The following ASPH variants were observed in gnomAD, a reference collection of about 807,000 sequenced individuals.
The protein encoded by ASPH is aspartyl/asparaginyl beta-hydroxylase.
In ASPH, 100 loss-of-function variants were observed where a neutral mutation model predicts 118.4. The ratio of observed to expected loss-of-function variants is 0.84; its 90% CI spans 0.72 to 1.00. The LOEUF (loss-of-function observed/expected upper bound fraction) is 1.00, where lower values mean the gene tolerates loss of function less well. Ranked by LOEUF, ASPH falls within the 50% of genes least tolerant of loss-of-function variation. The probability of loss-of-function intolerance (pLI) is 0.00; values close to 1 mark genes in which losing one functional copy is unlikely to be tolerated. For synonymous variants in ASPH, 315 were observed against 325.6 expected, an observed-to-expected ratio of 0.97 and a Z score of 0.35; for missense variants, 920 against 919.5, an observed-to-expected ratio of 1.00 and a Z score of -0.01.
At chr8:61,673,397 C>T (rs559658466) in intron 3 of ASPH, among the ~76,000 whole-genome samples, 2 of 152,132 alleles carry the variant, frequency 1.3e-5, no homozygotes, top group Non-Finnish European at 2.9e-5. Flanking sequence ...GTCTTGTTTT[C>T]GTGCCAAACT....
intron 22 of ASPH, among the ~76,000 whole-genome samples, chr8:61,524,508 AAGAG>A (rs1814478561): frequency 6.6e-6 from 1 of 152,190 alleles, no homozygotes; most frequent in African/African-American, 2.4e-5. Context: ...ACATGTAAGA[AAGAG>A]AAAGAAAGAA....
intron 13 of ASPH, among the ~76,000 whole-genome samples, chr8:61,620,898 A>T (rs1425073086): frequency 6.6e-6 from 1 of 152,188 alleles, no homozygotes; most frequent in Non-Finnish European, 1.5e-5. Flanking sequence ...CACTCTTGGG[A>T]GGGAAATAAG....
intron 14 of ASPH, among the ~76,000 whole-genome samples, chr8:61,605,018 G>A (rs78855879): frequency 2.0e-5 from 3 of 152,254 alleles, no homozygotes; most frequent in African/African-American, 7.2e-5. Context: ...CAAGGTAGAA[G>A]GAAAGCATAA....
At chr8:61,589,243 A>T (rs1361578813) in intron 14 of ASPH, among the ~76,000 whole-genome samples, 3 of 152,194 alleles carry the variant, frequency 2.0e-5, no homozygotes, top group Non-Finnish European at 4.4e-5. Flanking sequence ...ACTGTATGTA[A>T]ATTCCTTCTT....
intron 1 of ASPH, among the ~76,000 whole-genome samples, chr8:61,704,012 G>A (rs1443632088): frequency 1.3e-5 from 2 of 151,504 alleles, no homozygotes; most frequent in South Asian, 2.1e-4. Flanking sequence ...CGGCTAAAAC[G>A]GTGAAACCCC....
intron 22 of ASPH, among the ~76,000 whole-genome samples, chr8:61,520,864 C>T (rs1444517316): frequency 1.3e-5 from 2 of 152,188 alleles, no homozygotes; most frequent in Admixed American, 6.5e-5. Context: ...ACCTGAATGA[C>T]AGGTGATGAA....
chr8:61,638,187 C>G (rs1588461212), intron 11 of ASPH, 135 bp downstream of exon 11: 12 of 1,234,776 alleles, frequency 9.7e-6, no homozygotes, highest in Admixed American at 2.6e-5. Context: ...AATTTTGATA[C>G]TCAATTATTT....
In ASPH at chr8:61,583,991, T is replaced by A; in HGVS notation, c.1015A>T (p.Lys339Ter). The change falls in exon 15 of 25, where the codon AAG (lysine) becomes TAG (stop). Residue 339 changes from lysine to a stop codon, truncating the protein, a stop_gained. Transcript: ENST00000379454. LOFTEE classifies it high-confidence loss of function. ...KKPKLLNKFD[K>*]TIKAELDAAE... ...GCATCAAGTTCAGCTTTAATAGTCT[T>A]ATCAAATTTATTTAAAAGTTTAGGC... 6.3e-7 allele frequency: 1 copy of A among 1,578,870 alleles called. No homozygotes were observed. Among genetic ancestry groups the A allele is most frequent in the Non-Finnish European group, 8.6e-7 (1 of 1,161,048 alleles).
At chr8:61,682,386 G>A in intron 2 of ASPH, 1 of 1,526,246 alleles carries the variant, frequency 6.6e-7, no homozygotes, top group Non-Finnish European at 9.0e-7. Flanking sequence ...GAAAAAGGAT[G>A]AGCCATTAGA....
At position 61,578,975 on chromosome 8, in the gene ASPH, C is replaced by G. The variant is rs1011297087; in HGVS notation, c.1063-2117G>C. ...TGGTGCTGTCCATGGACAACAGCCGCTCCCTGGACATGGACAGCATCATTG... is the reference window on the plus strand; with the variant it reads ...TGGTGCTGTCCATGGACAACAGCCGGTCCCTGGACATGGACAGCATCATTG... On this transcript the variant is annotated intron_variant, in intron 15 of 24. Coordinates refer to ENST00000379454, the MANE Select transcript of ASPH (RefSeq NM_004318.4). 1.7e-5 allele frequency: 28 copies of G among 1,610,892 alleles called. No homozygotes were observed. The East Asian group carries it at 4.9e-4, about 28-fold the overall frequency.
At chr8:61,643,557 T>C (rs1438974084) in intron 8 of ASPH, 124 bp from the exon 9 acceptor site, 9 of 917,258 alleles carry the variant, frequency 9.8e-6, no homozygotes, top group Non-Finnish European at 1.3e-5. Flanking sequence ...TTCATTATCA[T>C]TTAATAAAAT....
intron 24 of ASPH, among the ~76,000 whole-genome samples, chr8:61,508,292 A>C (rs1167690684): frequency 6.6e-6 from 1 of 152,186 alleles, no homozygotes; most frequent in Non-Finnish European, 1.5e-5. Context: ...TTGGGATTAC[A>C]GGTGTGAGCC....
At chr8:61,680,866 C>A in intron 3 of ASPH, 102 bp downstream of exon 3, 1 of 923,966 alleles carries the variant, frequency 1.1e-6, no homozygotes. Flanking sequence ...GGAGAAAAGT[C>A]TCCTGTAAGA....
At chr8:61,577,492 G>A (rs773011797) in intron 15 of ASPH, among the ~76,000 whole-genome samples, 3 of 143,028 alleles carry the variant, frequency 2.1e-5, no homozygotes, top group Non-Finnish European at 4.5e-5. Context: ...CTCAATATAA[G>A]TACAGGTTCT....
chr8:61,676,672 A>C (rs1170002539), intron 3 of ASPH, among the ~76,000 whole-genome samples: 3 of 152,174 alleles, frequency 2.0e-5, no homozygotes, highest in African/African-American at 7.2e-5. Flanking sequence ...GAGTAAAAGC[A>C]GTATCAGGGA....
chr8:61,525,361 CACACACACAT>C (rs1482440541), intron 22 of ASPH, among the ~76,000 whole-genome samples: 2 of 145,434 alleles, frequency 1.4e-5, no homozygotes, highest in Admixed American at 7.2e-5. Flanking sequence ...CACACGCACA[CACACACACAT>C]ACACACACGC....
chr8:61,517,759 A>G lies in ASPH; in HGVS notation c.1993-98T>C, dbSNP rs891154043. On this transcript the variant is annotated intron_variant, in intron 23 of 24. Coordinates refer to ENST00000379454, the MANE Select transcript of ASPH (RefSeq NM_004318.4). Reference sequence around the variant, plus strand: ...TACAAAATTACTGTCAGTTTGGATTAGAGCCTTTGTAAGATTTAATATTTA... The same window carrying G: ...TACAAAATTACTGTCAGTTTGGATTGGAGCCTTTGTAAGATTTAATATTTA... The G allele has an allele frequency of 1.1e-5, 16 of 1,443,122 alleles. No homozygotes were observed. In the African/African-American group the frequency reaches 2.3e-4, roughly 21 times the overall value. 89.4% of individuals were successfully genotyped at this position (1,443,122 alleles called of 1,614,324 possible). A position where few individuals can be genotyped will look rare whatever the true frequency, so the allele number is the denominator to read the frequency against.
intron 3 of ASPH, among the ~76,000 whole-genome samples, chr8:61,676,798 T>C (rs1378796090): frequency 6.6e-6 from 1 of 152,064 alleles, no homozygotes; most frequent in African/African-American, 2.4e-5. Context: ...AAAGGTTTAT[T>C]TCCTCAAACT....
chr8:61,685,340 AACAGGAAGAAGG>A (rs1164670797), intron 1 of ASPH, among the ~76,000 whole-genome samples: 5 of 152,182 alleles, frequency 3.3e-5, no homozygotes, highest in Admixed American at 2.0e-4. Flanking sequence ...GGTGAGAACC[AACAGGAAGAAGG>A]ACAGGAATAA....
Sources: gnomAD v4.1 joint callset for allele counts (sites outside exome capture counted in the v4.1 genomes callset) on GRCh38, gnomAD v4.1.1 for gene constraint, MANE v1.5 for transcripts, NCBI Gene and HGNC (gene_info 2026-07-23, HGNC 2026-07-21) for gene names.